TBC1D5: variants seen among roughly 807,000 people sequenced by gnomAD.
The protein encoded by TBC1D5 is TBC1 domain family member 5.
A neutral mutation model predicts 100.3 loss-of-function variants in TBC1D5; 75 were observed. That is an observed-to-expected ratio of 0.75 (90% CI 0.62 to 0.91). The LOEUF is 0.91. Among genes scored for constraint, TBC1D5 ranks in the 40% least tolerant of loss-of-function variants. The pLI is 0.00. For missense variants in TBC1D5, 910 were observed against 942.4 expected, an observed-to-expected ratio of 0.97 and a Z score of 0.45; for synonymous variants, 323 against 325.6, an observed-to-expected ratio of 0.99 and a Z score of 0.09.
At chr3:17,637,739 A>G (rs1269139242) in intron 1 of TBC1D5, among the ~76,000 whole-genome samples, 1 of 152,234 alleles carries the variant, frequency 6.6e-6, no homozygotes, top group Non-Finnish European at 1.5e-5. Context: ...CAGTGGCAAG[A>G]GTATGGCCAT....
intron 1 of TBC1D5, among the ~76,000 whole-genome samples, chr3:17,626,536 A>G (rs1336510096): frequency 1.3e-5 from 2 of 152,218 alleles, no homozygotes; most frequent in African/African-American, 4.8e-5. Context: ...AAAGCAAGTA[A>G]TAGTACAAAA....
chr3:17,291,827 G>C, intron 15 of TBC1D5, 68 bp downstream of exon 15: 1 of 1,382,678 alleles, frequency 7.2e-7, no homozygotes, highest in Non-Finnish European at 1.0e-6. Flanking sequence ...GGAATTCTTA[G>C]ACTCTACACA....
intron 1 of TBC1D5, among the ~76,000 whole-genome samples, chr3:17,662,359 G>A (rs530147414): frequency 1.3e-5 from 2 of 152,302 alleles, no homozygotes; most frequent in East Asian, 1.9e-4. Context: ...TTGTCACAGT[G>A]CCAAAGAAGT....
At chr3:17,425,250 A>C (rs893130334) in intron 4 of TBC1D5, among the ~76,000 whole-genome samples, 1 of 152,228 alleles carries the variant, frequency 6.6e-6, no homozygotes, top group East Asian at 1.9e-4. Context: ...TTCAAAAGTG[A>C]AGAACTGAGG....
chr3:17,548,915 AATT>A (rs2096446285), intron 2 of TBC1D5, among the ~76,000 whole-genome samples: 1 of 152,244 alleles, frequency 6.6e-6, no homozygotes, highest in African/African-American at 2.4e-5. Flanking sequence ...AATACCTTTA[AATT>A]TACCTATTGA....
chr3:17,258,084 A>G (rs2077895586), intron 16 of TBC1D5, among the ~76,000 whole-genome samples: 1 of 152,180 alleles, frequency 6.6e-6, no homozygotes, highest in Non-Finnish European at 1.5e-5. Context: ...TGTACACACA[A>G]GATGCATTTA....
intron 15 of TBC1D5, among the ~76,000 whole-genome samples, chr3:17,279,928 G>A (rs2080397261): frequency 6.6e-6 from 1 of 152,166 alleles, no homozygotes; most frequent in African/African-American, 2.4e-5. Context: ...CCAGCACCCA[G>A]GAGAATGGAG....
intron 1 of TBC1D5, among the ~76,000 whole-genome samples, chr3:17,672,143 T>G (rs1436129733): frequency 6.6e-6 from 1 of 152,248 alleles, no homozygotes; most frequent in African/African-American, 2.4e-5. Flanking sequence ...GTGTAATAGA[T>G]GTTTAAATAT....
intron 3 of TBC1D5, among the ~76,000 whole-genome samples, chr3:17,458,326 C>A (rs182495128): frequency 6.6e-6 from 1 of 152,174 alleles, no homozygotes; most frequent in East Asian, 1.9e-4. Context: ...ATTGTTGCAG[C>A]GCTTCTGACA....
In TBC1D5 at chr3:17,430,575, A is replaced by G. The variant is rs145188040; in HGVS notation, c.98-2056T>C. Among the ~76,000 whole-genome samples the G allele has an allele frequency of 7.3e-3, 1,109 of 151,982 alleles. 10 individuals are homozygous for G. The highest frequency in any genetic ancestry group is 0.025 in the African/African-American group (1,042 of 41,554). On this transcript the variant is annotated intron_variant, in intron 3 of 21. Transcript: ENST00000253692. ...AGCAAATAAGGAGTACAATTGTTTC[A>G]CTAACAATATTAGAGAAAAGATTTC...
At chr3:17,226,147 A>T (rs1156915812) in intron 17 of TBC1D5, among the ~76,000 whole-genome samples, 1 of 149,868 alleles carries the variant, frequency 6.7e-6, no homozygotes, top group African/African-American at 2.5e-5. Context: ...CCTTTTTCGT[A>T]TCTGGTATGC....
At chr3:17,429,642 AG>A (rs1348564759) in intron 3 of TBC1D5, among the ~76,000 whole-genome samples, 1 of 151,924 alleles carries the variant, frequency 6.6e-6, no homozygotes, top group Non-Finnish European at 1.5e-5. Context: ...TTTAAAGATG[AG>A]ATTATTTTTA....
intron 2 of TBC1D5, among the ~76,000 whole-genome samples, chr3:17,612,070 C>T (rs982808624): frequency 2.6e-5 from 4 of 151,924 alleles, no homozygotes; most frequent in African/African-American, 7.3e-5. Flanking sequence ...GGAGGCCAAG[C>T]GAGTAGACTG....
At chr3:17,385,813 T>C (rs2093130205) in intron 8 of TBC1D5, among the ~76,000 whole-genome samples, 3 of 151,922 alleles carry the variant, frequency 2.0e-5, no homozygotes, top group Admixed American at 2.0e-4. Flanking sequence ...TGTGATGATC[T>C]CCCAGGCAGT....
chr3:17,533,729 T>C (rs1017630788), intron 2 of TBC1D5, among the ~76,000 whole-genome samples: 1 of 151,654 alleles, frequency 6.6e-6, no homozygotes, highest in Non-Finnish European at 1.5e-5. Flanking sequence ...TAGTTAGCTC[T>C]AACAATCGTT....
intron 17 of TBC1D5, among the ~76,000 whole-genome samples, chr3:17,229,086 G>C (rs1422408728): frequency 6.6e-6 from 1 of 152,102 alleles, no homozygotes; most frequent in African/African-American, 2.4e-5. Flanking sequence ...ATCTGAGGAA[G>C]GTGGACACTG....
chr3:17,233,778 A>C (rs2075632323), intron 17 of TBC1D5, 28 bp from the exon 18 acceptor site: 1 of 1,443,000 alleles, frequency 6.9e-7, no homozygotes, highest in African/African-American at 1.4e-5. Context: ...AAATAATTAG[A>C]TTTCATAAAA....
In TBC1D5 at chr3:17,326,882, G is replaced by A. The variant is rs138889916; in HGVS notation, c.996-18748C>T. On this transcript the variant is annotated intron_variant, in intron 13 of 21. Coordinates refer to ENST00000253692, the Ensembl canonical transcript of TBC1D5. ...GGAGACAGCAATCAACCCTCTAGTTGCTCAGGAGCCAAAAACCTTGGAGTC... is the reference window on the plus strand; with the variant it reads ...GGAGACAGCAATCAACCCTCTAGTTACTCAGGAGCCAAAAACCTTGGAGTC... Among the ~76,000 whole-genome samples the A allele has an allele frequency of 5.7e-3, 863 of 152,296 alleles. 7 individuals are homozygous for A. The highest frequency in any genetic ancestry group is 0.034 in the Middle Eastern group (10 of 294).
intron 4 of TBC1D5, among the ~76,000 whole-genome samples, chr3:17,423,100 A>T (rs1481157622): frequency 2.6e-5 from 4 of 152,166 alleles, no homozygotes; most frequent in Admixed American, 2.6e-4. Flanking sequence ...TGAGAAAGGG[A>T]GGCTACTTTG....
Sources: allele counts gnomAD v4.1 joint callset (sites outside exome capture counted in the v4.1 genomes callset), GRCh38; gene constraint gnomAD v4.1.1; transcripts MANE v1.5; gene names NCBI Gene and HGNC (gene_info 2026-07-23, HGNC 2026-07-21).